KCNJ8: variants seen among roughly 807,000 people sequenced by gnomAD.
KCNJ8 encodes ATP-sensitive inward rectifier potassium channel 8.
Under a neutral mutation model 28.2 loss-of-function variants are expected in KCNJ8, and 13 were observed. That is an observed-to-expected ratio of 0.46 (90% CI 0.30 to 0.73). The LOEUF is 0.73. KCNJ8 is among the 30% of genes least tolerant of loss of function. The pLI is 0.07. For synonymous variants in KCNJ8, 188 were observed against 195.9 expected (o/e 0.96, Z 0.34); for missense variants, 284 against 542.6 (o/e 0.52, Z 4.73).
Position 21,766,791 on chromosome 12 carries a change from G to T in KCNJ8, c.375-168C>A. 1 of 650,436 alleles carries T rather than the reference G, an allele frequency of 1.5e-6. No homozygotes were observed. Among genetic ancestry groups the T allele is most frequent in the Admixed American group, 2.3e-5 (1 of 42,622 alleles). 40.3% of individuals were successfully genotyped at this position (650,436 alleles called of 1,614,324 possible). A position where few individuals can be genotyped will look rare whatever the true frequency, so the allele number is the denominator to read the frequency against. ...CTAATTCTAAACTGTGTTTAGAACAGTCTCTCTCTCTCTTGCATGCATCTA... is the reference window on the plus strand; with the variant it reads ...CTAATTCTAAACTGTGTTTAGAACATTCTCTCTCTCTCTTGCATGCATCTA... On this transcript the variant is annotated intron_variant, in intron 2 of 2. Coordinates refer to ENST00000240662, the MANE Select transcript of KCNJ8 (RefSeq NM_004982.4). This position sits in a 1 kb window ranked among gnomAD's most constrained non-coding sequence, Gnocchi z 6.5.
chr12:21,767,765 C>T (rs931783578), intron 2 of KCNJ8, among the ~76,000 whole-genome samples: 7 of 152,138 alleles, frequency 4.6e-5, no homozygotes, highest in East Asian at 1.9e-4. Flanking sequence ...TTCTTCTCTG[C>T]TGTAATGTAT....
At position 21,773,295 on chromosome 12, in the gene KCNJ8, T is replaced by C; in HGVS notation, c.322A>G (p.Ser108Gly). ...HGDIYAYMEKSGMEKSGLEST... is the reference protein window; with the variant it reads ...HGDIYAYMEKGGMEKSGLEST... ...TCCAAACCACTTTTCTCCATTCCAC[T>C]TTTCTCCATGTAAGCATAGATGTCC... Residue 108 changes from serine (S) to glycine (G), a missense_variant, in exon 2 of 3, where the codon AGT (serine) becomes GGT (glycine). By Grantham distance (56) the Ser-to-Gly change is moderately conservative. Coordinates refer to ENST00000240662, the MANE Select transcript of KCNJ8 (RefSeq NM_004982.4). The surrounding 1 kb of genome is among the most constrained non-coding windows in gnomAD (Gnocchi z 4.6). 6.2e-7 allele frequency: 1 copy of C among 1,614,070 alleles called. No homozygotes were observed. The highest frequency in any genetic ancestry group is 1.3e-5 in the African/African-American group (1 of 75,044).
intron 2 of KCNJ8, among the ~76,000 whole-genome samples, chr12:21,772,364 A>C (rs1187351415): frequency 1.3e-5 from 2 of 152,158 alleles, no homozygotes; most frequent in African/African-American, 4.8e-5. Flanking sequence ...GATATAATTT[A>C]TCTCTTTCCA....
At position 21,773,590 on chromosome 12, in the gene KCNJ8, C is replaced by T; in HGVS notation, c.27G>A (p.Pro9=). 1 of 1,613,642 alleles carries T rather than the reference C, an allele frequency of 6.2e-7. No individual in the cohort carries two copies. The highest frequency in any genetic ancestry group is 1.3e-5 in the African/African-American group (1 of 75,066). ...CGATGCGCGCCAGCACATACTCCTC[C>T]GGGATGATACTCTTTCTGGCCAACA... MLARKSII[P]EEYVLARIAA... is the part of the protein sequence containing the mutation. The change falls in exon 2 of 3, where the codon CCG becomes CCA. Residue 9 remains proline, a synonymous_variant. Transcript: ENST00000240662. This position sits in a 1 kb window ranked among gnomAD's most constrained non-coding sequence, Gnocchi z 4.6.
In KCNJ8 at chr12:21,766,292, G is replaced by T; in HGVS notation, c.706C>A (p.Pro236Thr). ...RIQVVKKTTT[P>T]EGEVVPIHQL... ...TGAATAGGAACCACCTCCCCTTCAG[G>T]TGTAGTTGTTTTCTTGACCACCTGG... Residue 236 changes from proline to threonine, a missense_variant, in exon 3 of 3, where the codon CCT becomes ACT. By Grantham distance (38) the Pro-to-Thr change is conservative. This residue lies in a region of KCNJ8 where 107 missense variants were observed against 235.6 expected (regional missense o/e 0.45). Transcript: ENST00000240662. This position sits in a 1 kb window ranked among gnomAD's most constrained non-coding sequence, Gnocchi z 6.5. 6.2e-7 allele frequency: 1 copy of T among 1,614,102 alleles called. No homozygotes were observed. The highest frequency in any genetic ancestry group is 8.5e-7 in the Non-Finnish European group (1 of 1,180,010).
chr12:21,769,220 A>C (rs1245584265), intron 2 of KCNJ8, among the ~76,000 whole-genome samples: 1 of 152,226 alleles, frequency 6.6e-6, no homozygotes, highest in African/African-American at 2.4e-5. Context: ...AAAATCGTAG[A>C]GCCCCAAAGT....
Position 21,766,527 on chromosome 12 carries a change from C to A in KCNJ8, c.471G>T (p.Thr157=), listed in dbSNP as rs143319002. The stretch of plus-strand genomic sequence containing the variant: ...CCACAATATTCTGGAGAATCAAAAC[C>A]GTGATGGCCAAAGGGCATTCCTCTG... The part of the protein sequence containing the change: ...MMTEECPLAI[T]VLILQNIVGL... The change falls in exon 3 of 3, where the codon ACG becomes ACT. Residue 157 remains threonine, a synonymous_variant. Transcript: ENST00000240662. The surrounding 1 kb of genome is among the most constrained non-coding windows in gnomAD (Gnocchi z 6.5). 6.2e-7 allele frequency: 1 copy of A among 1,612,444 alleles called. No homozygotes were observed. Among genetic ancestry groups the A allele is most frequent in the Non-Finnish European group, 8.5e-7 (1 of 1,179,972 alleles).
chr12:21,770,405 T>A (rs1436335989), intron 2 of KCNJ8, among the ~76,000 whole-genome samples: 6 of 152,230 alleles, frequency 3.9e-5, no homozygotes, highest in African/African-American at 1.4e-4. Flanking sequence ...GTAACTGTCT[T>A]TATTTTGATA....
intron 2 of KCNJ8, among the ~76,000 whole-genome samples, chr12:21,771,911 A>G (rs562470213): frequency 3.9e-5 from 6 of 152,174 alleles, no homozygotes; most frequent in South Asian, 2.1e-4. Flanking sequence ...CTGATGATCT[A>G]TGTTTTCCAG....
chr12:21,773,574 C>G lies in KCNJ8; in HGVS notation c.43G>C (p.Ala15Pro). The change falls in exon 2 of 3, where the codon GCG (alanine) becomes CCG (proline). Residue 15 changes from alanine (A) to proline (P), a missense_variant. Coordinates refer to ENST00000240662, the MANE Select transcript of KCNJ8 (RefSeq NM_004982.4). The surrounding 1 kb of genome is among the most constrained non-coding windows in gnomAD (Gnocchi z 4.6). ...KSIIPEEYVL[A>P]RIAAENLRKP... The stretch of plus-strand genomic sequence containing the variant: ...CGCAGGTTCTCTGCGGCGATGCGCG[C>G]CAGCACATACTCCTCCGGGATGATA... 2 of 1,614,016 alleles carry G rather than the reference C, an allele frequency of 1.2e-6. No homozygotes were observed. The highest frequency in any genetic ancestry group is 1.7e-6 in the Non-Finnish European group (2 of 1,180,044).
intron 2 of KCNJ8, among the ~76,000 whole-genome samples, chr12:21,772,244 T>G (rs1278722833): frequency 6.6e-6 from 1 of 152,220 alleles, no homozygotes; most frequent in Non-Finnish European, 1.5e-5. Context: ...TTTTTCAAGT[T>G]TCTTTGCTTT....
Position 21,766,795 on chromosome 12 carries a change from C to T in KCNJ8, c.375-172G>A, listed in dbSNP as rs748610929. The T allele has an allele frequency of 6.2e-6, 4 of 643,508 alleles. No homozygotes were observed. The highest frequency in any genetic ancestry group is 1.1e-5 in the Non-Finnish European group (4 of 361,866). 39.9% of individuals were successfully genotyped at this position (643,508 alleles called of 1,614,324 possible). A position where few individuals can be genotyped will look rare whatever the true frequency, so the allele number is the denominator to read the frequency against. On this transcript the variant is annotated intron_variant, in intron 2 of 2. Transcript: ENST00000240662. The surrounding 1 kb of genome is among the most constrained non-coding windows in gnomAD (Gnocchi z 6.5). ...TTCTAAACTGTGTTTAGAACAGTCT[C>T]TCTCTCTCTTGCATGCATCTACCTC...
At position 21,773,488 on chromosome 12, in the gene KCNJ8, G is replaced by A. The variant is rs1591890491; in HGVS notation, c.129C>T (p.Cys43=). 1.9e-6 allele frequency: 3 copies of A among 1,614,274 alleles called. No homozygotes were observed. Among genetic ancestry groups the A allele is most frequent in the Non-Finnish European group, 2.5e-6 (3 of 1,180,052 alleles). The change falls in exon 2 of 3, where the codon TGC becomes TGT. Residue 43 remains cysteine, a synonymous_variant. Transcript: ENST00000240662. This position sits in a 1 kb window ranked among gnomAD's most constrained non-coding sequence, Gnocchi z 4.6. ...CACGGATGTTCTTATGCGCCAGGTT[G>A]CAGGCCCCGCTCTTGGCGATGAAGC... ...KARFIAKSGA[C]NLAHKNIREQ...
At chr12:21,769,955 G>T (rs929906792) in intron 2 of KCNJ8, among the ~76,000 whole-genome samples, 2 of 152,168 alleles carry the variant, frequency 1.3e-5, no homozygotes, top group African/African-American at 2.4e-5. Flanking sequence ...TGACAACAAA[G>T]AATTCAGAAG....
At chr12:21,767,618 C>A (rs1013672692) in intron 2 of KCNJ8, among the ~76,000 whole-genome samples, 7 of 151,980 alleles carry the variant, frequency 4.6e-5, no homozygotes, top group Admixed American at 4.6e-4. Context: ...TTCCGCAAAA[C>A]CAGTCCCTGG....
intron 1 of KCNJ8, 94 bp downstream of exon 1, chr12:21,774,452 C>T (rs368793019): frequency 2.0e-5 from 3 of 151,878 alleles, no homozygotes; most frequent in South Asian, 4.2e-4. Flanking sequence ...CCATCCATCA[C>T]TGCAAGCCTC....
Position 21,765,666 on chromosome 12 carries a change from G to T in KCNJ8, c.*57C>A. On this transcript the variant is annotated 3_prime_UTR_variant, in exon 3 of 3. Coordinates refer to ENST00000240662, the MANE Select transcript of KCNJ8 (RefSeq NM_004982.4). ...GTTCCAGCTCTGGTTCAGTCTGGCA[G>T]TGCCCAGCATAAACCGTCAAAACTT... The T allele has an allele frequency of 6.9e-7, 1 of 1,443,402 alleles. No homozygotes were observed. The highest frequency in any genetic ancestry group is 9.8e-7 in the Non-Finnish European group (1 of 1,024,838). The allele number at this position is 1,443,402 out of a possible 1,614,324, so 89.4% of individuals were successfully genotyped here.
intron 2 of KCNJ8, among the ~76,000 whole-genome samples, chr12:21,770,622 G>A (rs1940735304): frequency 6.6e-6 from 1 of 152,186 alleles, no homozygotes; most frequent in Admixed American, 6.5e-5. Flanking sequence ...ACATTGATTT[G>A]GTAGGCTGAG....
rs1940604539 is a variant in KCNJ8, at chr12:21,765,819, C to T, written c.1179G>A (p.Arg393=). 1.2e-6 allele frequency: 2 copies of T among 1,613,936 alleles called. No individual in the cohort carries two copies. Among genetic ancestry groups the T allele is most frequent in the Non-Finnish European group, 1.7e-6 (2 of 1,179,928 alleles). ...TGTTCCTTCGGATAGAATTGTTCCTCCTCATGGAATTGTTTCTTCTCATGG... is the reference window on the plus strand; with the variant it reads ...TGTTCCTTCGGATAGAATTGTTCCTTCTCATGGAATTGTTTCTTCTCATGG... ...RNSMRRNNSM[R]RNNSIRRNNS... The change falls in exon 3 of 3, where the codon AGG becomes AGA. Residue 393 remains arginine (R), a synonymous_variant. Coordinates refer to ENST00000240662, the MANE Select transcript of KCNJ8 (RefSeq NM_004982.4).
Sources: gnomAD v4.1 joint callset for allele counts (sites outside exome capture counted in the v4.1 genomes callset) on GRCh38, gnomAD v4.1.1 for gene constraint, gnomAD v4.1.1 regional missense constraint, Gnocchi (gnomAD v3.1) non-coding constraint, MANE v1.5 for transcripts, NCBI Gene and HGNC (gene_info 2026-07-23, HGNC 2026-07-21) for gene names.